Variants in JAKMIP3 observed in about 807,000 individuals in gnomAD.
JAKMIP3 encodes the protein janus kinase and microtubule-interacting protein 3.
Under a neutral mutation model 118.5 loss-of-function variants are expected in JAKMIP3, and 58 were observed. The ratio of observed to expected loss-of-function variants is 0.49; its 90% CI spans 0.40 to 0.61. The LOEUF (loss-of-function observed/expected upper bound fraction) is 0.61. Among genes scored for constraint, JAKMIP3 ranks in the 20% least tolerant of loss-of-function variants. The probability of loss-of-function intolerance (pLI) is 0.00; values close to 1 mark genes in which losing one functional copy is unlikely to be tolerated. For missense variants in JAKMIP3, 950 were observed against 1,109.0 expected (o/e 0.86, Z 2.04); for synonymous variants, 486 against 451.2 (o/e 1.08, Z -0.98).
intron 21 of JAKMIP3, among the ~76,000 whole-genome samples, chr10:132,166,748 C>A (rs571920345): frequency 6.6e-6 from 1 of 152,158 alleles, no homozygotes; most frequent in African/African-American, 2.4e-5. Context: ...GCCCACCACC[C>A]GCATCTGCCC....
At chr10:132,063,321 A>ACGTCCTGGGGGTGCTGGCTC (rs2038471794), upstream of JAKMIP3, among the ~76,000 whole-genome samples, 4 of 152,250 alleles carry the variant, frequency 2.6e-5, no homozygotes, top group Admixed American at 2.6e-4. Flanking sequence ...TCCTCAGAAC[A>ACGTCCTGGGGGTGCTGGCTC]CGTCCTGGGG....
chr10:132,060,333 A>G (rs926724466), upstream of JAKMIP3, among the ~76,000 whole-genome samples: 3 of 152,188 alleles, frequency 2.0e-5, no homozygotes, highest in Non-Finnish European at 2.9e-5. Context: ...TGGGCGGGGC[A>G]GTCACAGGGG....
upstream of JAKMIP3, among the ~76,000 whole-genome samples, chr10:132,064,638 G>A (rs2038566950): frequency 2.6e-5 from 4 of 152,192 alleles, no homozygotes; most frequent in Admixed American, 2.0e-4. The surrounding 1 kb of genome is among the most constrained non-coding windows in gnomAD (Gnocchi z 4.4). Flanking sequence ...GGGACAGCGG[G>A]CGGCTCCGTC....
Position 132,179,766 on chromosome 10 carries a change from AACAGCCACACCATGGC to A in JAKMIP3, c.*1104-2577_*1104-2562del, listed in dbSNP as rs371974581. Among the ~76,000 whole-genome samples, 4 of 151,894 alleles carry A rather than the reference AACAGCCACACCATGGC, an allele frequency of 2.6e-5. No individual in the cohort carries two copies. The highest frequency in any genetic ancestry group is 3.2e-3 in the Middle Eastern group (1 of 316). On this transcript the variant is annotated intron_variant, in intron 23 of 23. Coordinates refer to ENST00000684848, the MANE Select transcript of JAKMIP3 (RefSeq NM_001323087.2). The surrounding 1 kb of genome is among the most constrained non-coding windows in gnomAD (Gnocchi z 4.3). ...TCACGCCACGGCAGGGTCACACCAC[AACAGCCACACCATGGC>A]ACAGCCACACCATTATCGCAGCCCT...
At chr10:132,053,972 G>A (rs145933823) in intron 1 of JAKMIP3, among the ~76,000 whole-genome samples, 38 of 151,216 alleles carry the variant, frequency 2.5e-4, no homozygotes, top group Middle Eastern at 3.4e-3. Flanking sequence ...CCCTGGAGGC[G>A]GAGCTTGCAG....
At chr10:132,116,609 T>A (rs1259316410) in intron 2 of JAKMIP3, among the ~76,000 whole-genome samples, 1 of 1,238 alleles carries the variant, frequency 8.1e-4, no homozygotes, top group Non-Finnish European at 1.6e-3. Context: ...TGTGTGAGTG[T>A]GTGCATCATG....
intron 8 of JAKMIP3, among the ~76,000 whole-genome samples, chr10:132,137,615 T>G (rs1388881861): frequency 1.3e-5 from 2 of 152,198 alleles, no homozygotes; most frequent in African/African-American, 4.8e-5. Flanking sequence ...CCTTTCTCCC[T>G]GGCCAGCACA....
chr10:132,127,340 A>G (rs1368218881), intron 3 of JAKMIP3, among the ~76,000 whole-genome samples: 1 of 150,726 alleles, frequency 6.6e-6, no homozygotes, highest in Non-Finnish European at 1.5e-5. Context: ...CTCCTGCCTC[A>G]GCCTCCCAAG....
chr10:132,142,087 T>A lies in JAKMIP3; in HGVS notation c.1602+39T>A, dbSNP rs372741846. 9 of 1,564,826 alleles carry A rather than the reference T, an allele frequency of 5.8e-6. No homozygotes were observed. The African/African-American group carries it at 1.1e-4, about 19-fold the overall frequency. On this transcript the variant is annotated intron_variant, in intron 11 of 23. Transcript: ENST00000684848. ...CCACCGCGCGTTCCGGCCCCCCTCG[T>A]GCCTTCCCGCTTGACCCCGTGGCCT... is the stretch of plus-strand genomic sequence containing the variant.
At chr10:132,153,701 A>C in intron 17 of JAKMIP3, 58 bp from the exon 18 acceptor site, 1 of 1,551,044 alleles carries the variant, frequency 6.4e-7, no homozygotes. Context: ...AGCTGTCTCC[A>C]CGAGCCGGGG....
chr10:132,050,638 G>C lies in JAKMIP3; in HGVS notation c.-138+13900G>C, dbSNP rs192528981. 1.5e-3 allele frequency among the ~76,000 whole-genome samples: 234 copies of C among 152,192 alleles called. 2 individuals carry two copies. Among genetic ancestry groups the C allele is most frequent in the African/African-American group, 5.4e-3 (226 of 41,516 alleles). On this transcript the variant is annotated intron_variant, in intron 1 of 23. Coordinates refer to the JAKMIP3 transcript ENST00000657785. ...TACATAATTTAGGAAGGAGATTTGG[G>C]GGGGGTTGATTATGGTAACAGCCTA...
intron 5 of JAKMIP3, among the ~76,000 whole-genome samples, chr10:132,135,694 C>T (rs747478304): frequency 2.6e-5 from 4 of 152,094 alleles, no homozygotes; most frequent in Non-Finnish European, 5.9e-5. Context: ...TTCACTAGGG[C>T]ACCGGGCGAG....
chr10:132,099,416 A>C (rs1247998743), intron 1 of JAKMIP3, among the ~76,000 whole-genome samples: 3 of 152,174 alleles, frequency 2.0e-5, no homozygotes, highest in African/African-American at 7.2e-5. Context: ...ACCTCCTCAG[A>C]GACCCCGAAA....
intron 19 of JAKMIP3, among the ~76,000 whole-genome samples, chr10:132,162,968 G>T (rs550439792): frequency 3.9e-4 from 60 of 152,300 alleles, no homozygotes; most frequent in African/African-American, 1.4e-3. Context: ...CCCACTCTGG[G>T]GTCAGGGTCC....
Position 132,180,574 on chromosome 10 carries a change from T to TGCGC in JAKMIP3, c.*1104-1782_*1104-1781insCGCG, listed in dbSNP as rs1195743202. Among the ~76,000 whole-genome samples, 19 of 42,718 alleles carry TGCGC rather than the reference T, an allele frequency of 4.4e-4. 3 individuals carry two copies. The East Asian group carries it at 0.043, about 98-fold the overall frequency. The allele number at this position is 42,718 out of a possible 152,430, so 28.0% of individuals were successfully genotyped here. On this transcript the variant is annotated intron_variant, in intron 23 of 23. Coordinates refer to ENST00000684848, the MANE Select transcript of JAKMIP3 (RefSeq NM_001323087.2). ...GCGTGCATGCGTGTGTGTGCGTGTG[T>TGCGC]GTGTGCGTGCGCGTGTGTGTGTGCG... is the stretch of plus-strand genomic sequence containing the variant.
In JAKMIP3 at chr10:132,180,772, T is replaced by TGCGTGTGTGTGCGCGTGCGC. The variant is rs527859135; in HGVS notation, c.*1104-1584_*1104-1583insCGTGTGTGTGCGCGTGCGCG. Among the ~76,000 whole-genome samples the TGCGTGTGTGTGCGCGTGCGC allele has an allele frequency of 7.9e-5, 5 of 63,676 alleles. 1 individual carries two copies. Among genetic ancestry groups the TGCGTGTGTGTGCGCGTGCGC allele is most frequent in the African/African-American group, 4.1e-4 (5 of 12,150 alleles). The allele number at this position is 63,676 out of a possible 152,430, so 41.8% of individuals were successfully genotyped here. A position where few individuals can be genotyped will look rare whatever the true frequency, so the allele number is the denominator to read the frequency against. On this transcript the variant is annotated intron_variant, in intron 23 of 23. Coordinates refer to ENST00000684848, the MANE Select transcript of JAKMIP3 (RefSeq NM_001323087.2). ...GCGCGCGTGTGTGCGTGTGTGTGCG[T>TGCGTGTGTGTGCGCGTGCGC]GTGTGTGTGTGCGCGTATGCATGTG...
At chr10:132,174,339 T>C (rs1359904288) in intron 23 of JAKMIP3, among the ~76,000 whole-genome samples, 2 of 152,258 alleles carry the variant, frequency 1.3e-5, no homozygotes, top group Non-Finnish European at 2.9e-5. Flanking sequence ...TGTGTTTACG[T>C]TCAGCAAAAC....
At chr10:132,103,320 G>A (rs1355618338) in intron 1 of JAKMIP3, among the ~76,000 whole-genome samples, 1 of 138,162 alleles carries the variant, frequency 7.2e-6, no homozygotes, top group African/African-American at 3.0e-5. Flanking sequence ...AGGAGCATCT[G>A]ACATAGGAGC....
Position 132,168,058 on chromosome 10 carries a change from C to T in JAKMIP3, c.*128C>T, listed in dbSNP as rs1433569346. 3.9e-6 allele frequency: 5 copies of T among 1,289,432 alleles called. No homozygotes were observed. Among genetic ancestry groups the T allele is most frequent in the Non-Finnish European group, 4.0e-6 (4 of 988,822 alleles). 79.9% of individuals were successfully genotyped at this position (1,289,432 alleles called of 1,614,324 possible). A position where few individuals can be genotyped will look rare whatever the true frequency, so the allele number is the denominator to read the frequency against. The stretch of plus-strand genomic sequence containing the variant: ...GACCCAGGGAGATTTGGTCTCTGCA[C>T]GCCCGTCCCGTGGAGGAAGAGTGAG... On this transcript the variant is annotated 3_prime_UTR_variant, in exon 23 of 24. Coordinates refer to ENST00000684848, the MANE Select transcript of JAKMIP3 (RefSeq NM_001323087.2).
Sources: gnomAD v4.1 joint callset for allele counts (sites outside exome capture counted in the v4.1 genomes callset) on GRCh38, gnomAD v4.1.1 for gene constraint, Gnocchi (gnomAD v3.1) non-coding constraint, MANE v1.5 for transcripts, NCBI Gene and HGNC (gene_info 2026-07-23, HGNC 2026-07-21) for gene names.